Variants in SAMSN1 observed in about 807,000 individuals in gnomAD.
SAMSN1 encodes the protein SAM domain-containing protein SAMSN-1.
A neutral mutation model predicts 42.0 loss-of-function variants in SAMSN1; 31 were observed. The ratio of observed to expected loss-of-function variants is 0.74; its 90% CI spans 0.55 to 1.00. SAMSN1 has a LOEUF of 1.00. SAMSN1 is among the 50% of genes least tolerant of loss of function. SAMSN1 has a pLI of 0.00. For missense variants in SAMSN1, 464 were observed against 439.4 expected (o/e 1.06, Z -0.50); for synonymous variants, 178 against 151.9 (o/e 1.17, Z -1.26).
At chr21:14,496,398 T>C (rs547330760) in intron 7 of SAMSN1, 1 of 152,326 alleles carries the variant, frequency 6.6e-6, no homozygotes, top group East Asian at 1.9e-4. Context: ...AATACCTAGA[T>C]GTGTGCTATT....
chr21:14,595,253 G>A (rs1435589720), intron 6 of SAMSN1, among the ~76,000 whole-genome samples: 2 of 152,074 alleles, frequency 1.3e-5, no homozygotes, highest in Non-Finnish European at 2.9e-5. Context: ...GTATTAAGAG[G>A]TGGGGCTTTT....
chr21:14,552,142 AATCTG>A (rs1431282956), intron 2 of SAMSN1, among the ~76,000 whole-genome samples: 1 of 152,002 alleles, frequency 6.6e-6, no homozygotes, highest in Non-Finnish European at 1.5e-5. Context: ...CATGGGGACA[AATCTG>A]CATTTCAGGC....
At chr21:14,630,146 C>T (rs1180616642) in intron 2 of SAMSN1, among the ~76,000 whole-genome samples, 2 of 152,110 alleles carry the variant, frequency 1.3e-5, no homozygotes, top group Non-Finnish European at 2.9e-5. Context: ...AACTGGTACC[C>T]CAGAACCTGG....
chr21:14,526,484 T>G (rs780111650), intron 1 of SAMSN1, among the ~76,000 whole-genome samples: 1 of 152,202 alleles, frequency 6.6e-6, no homozygotes, highest in Non-Finnish European at 1.5e-5. Flanking sequence ...ATGAGTAATA[T>G]AAAAGAACTT....
At chr21:14,569,983 TTC>T (rs1000741788) in intron 2 of SAMSN1, among the ~76,000 whole-genome samples, 13 of 113,316 alleles carry the variant, frequency 1.1e-4, no homozygotes, top group Middle Eastern at 4.5e-3. Context: ...TTTAACCACT[TTC>T]CCCCCCCCCA....
At chr21:14,498,685 G>A (rs554777071) in intron 6 of SAMSN1, 93 bp from the exon 7 acceptor site, 1 of 953,654 alleles carries the variant, frequency 1.0e-6, no homozygotes, top group East Asian at 2.9e-5. Flanking sequence ...AGATGCACAT[G>A]GGGACCAAAG....
chr21:14,595,358 GAC>G (rs1982228008), intron 6 of SAMSN1, among the ~76,000 whole-genome samples: 2 of 152,114 alleles, frequency 1.3e-5, no homozygotes, highest in Admixed American at 6.6e-5. Context: ...TTTTGAAGCA[GAC>G]ACTGAATCTG....
chr21:14,495,778 C>T (rs1333709085), intron 7 of SAMSN1: 1 of 152,180 alleles, frequency 6.6e-6, no homozygotes, highest in Non-Finnish European at 1.5e-5. Context: ...GAACATGTTT[C>T]TGATAGATGT....
intron 7 of SAMSN1, among the ~76,000 whole-genome samples, chr21:14,487,012 C>A (rs1335268177): frequency 1.3e-5 from 2 of 152,180 alleles, no homozygotes; most frequent in African/African-American, 4.8e-5. Context: ...ATGGGTGTTT[C>A]TGCATCCTGA....
intron 1 of SAMSN1, among the ~76,000 whole-genome samples, chr21:14,529,868 A>C (rs1979128086): frequency 6.6e-6 from 1 of 152,208 alleles, no homozygotes; most frequent in African/African-American, 2.4e-5. Flanking sequence ...GCCTATACCT[A>C]CTTAATTTAT....
chr21:14,635,047 T>C (rs1261906217), intron 2 of SAMSN1, among the ~76,000 whole-genome samples: 2 of 152,164 alleles, frequency 1.3e-5, no homozygotes, highest in Admixed American at 6.6e-5. Context: ...TGGGTGAAGC[T>C]GGAAGCCATT....
At chr21:14,525,475 A>C (rs1047655641) in intron 1 of SAMSN1, among the ~76,000 whole-genome samples, 3 of 152,214 alleles carry the variant, frequency 2.0e-5, no homozygotes, top group African/African-American at 7.2e-5. Flanking sequence ...GTATAAACTG[A>C]GAGACTTCAG....
chr21:14,614,039 T>C (rs971131732), intron 3 of SAMSN1, among the ~76,000 whole-genome samples: 3 of 152,140 alleles, frequency 2.0e-5, no homozygotes, highest in African/African-American at 7.2e-5. Context: ...CTGAACTGAA[T>C]CCAGCTGAGC....
rs1469786168 is a variant in SAMSN1, at chr21:14,486,024, T to C, written c.1010A>G (p.Asp337Gly). ...TCCTGATGAGATATAGCAACCAGAGTCCCTTGGGCAGTCATCTAACTGTGA... is the reference window on the plus strand; with the variant it reads ...TCCTGATGAGATATAGCAACCAGAGCCCCTTGGGCAGTCATCTAACTGTGA... Reference protein sequence around the residue: ...NKSQLDDCPRDSGCYISSGNS... With the variant: ...NKSQLDDCPRGSGCYISSGNS... The change falls in exon 8 of 8, where the codon GAC (aspartate) becomes GGC (glycine). Residue 337 changes from aspartate (D) to glycine (G), a missense_variant. By Grantham distance (94) the Asp-to-Gly change is moderately conservative. Transcript: ENST00000400566. 1 of 1,613,556 alleles carries C rather than the reference T, an allele frequency of 6.2e-7. No homozygotes were observed. The highest frequency in any genetic ancestry group is 1.1e-5 in the South Asian group (1 of 91,070).
chr21:14,639,506 T>G (rs1434785212), intron 2 of SAMSN1, among the ~76,000 whole-genome samples: 7 of 152,194 alleles, frequency 4.6e-5, no homozygotes, highest in Non-Finnish European at 8.8e-5. Flanking sequence ...AGATTAGAGC[T>G]TTCATGATCT....
chr21:14,498,417 G>A (rs1890904991), intron 7 of SAMSN1, 25 bp downstream of exon 7: 2 of 1,578,420 alleles, frequency 1.3e-6, no homozygotes, highest in African/African-American at 2.8e-5. Context: ...ATCAGCTGGG[G>A]AGAAGAGTAG....
At chr21:14,542,285 A>G (rs922453266) in intron 1 of SAMSN1, among the ~76,000 whole-genome samples, 1 of 152,208 alleles carries the variant, frequency 6.6e-6, no homozygotes, top group South Asian at 2.1e-4. Context: ...GGAAATTAAC[A>G]TATTTCATGT....
intron 6 of SAMSN1, among the ~76,000 whole-genome samples, chr21:14,600,156 C>G (rs1439336736): frequency 1.3e-5 from 2 of 152,172 alleles, no homozygotes; most frequent in African/African-American, 4.8e-5. Flanking sequence ...GGCCAAGTTT[C>G]ATGCCATAGT....
chr21:14,554,223 G>T (rs13048954), intron 2 of SAMSN1, among the ~76,000 whole-genome samples: 1 of 151,922 alleles, frequency 6.6e-6, no homozygotes, highest in Non-Finnish European at 1.5e-5. Flanking sequence ...TTATGAGGGT[G>T]GACTTTAACC....
Sources: allele counts gnomAD v4.1 joint callset (sites outside exome capture counted in the v4.1 genomes callset), GRCh38; gene constraint gnomAD v4.1.1; transcripts MANE v1.5; gene names NCBI Gene and HGNC (gene_info 2026-07-23, HGNC 2026-07-21).